ZNF804A: variants seen among roughly 807,000 people sequenced by gnomAD.
ZNF804A encodes zinc finger protein 804A.
ZNF804A carries 2 observed loss-of-function variants against 16.5 expected under a neutral mutation model. The observed-to-expected ratio is 0.12, with a 90% CI of 0.05 to 0.38. The LOEUF (loss-of-function observed/expected upper bound fraction) is 0.38, where lower values mean the gene tolerates loss of function less well. Ranked by LOEUF, ZNF804A falls within the 10% of genes least tolerant of loss-of-function variation. The pLI, the probability that ZNF804A is intolerant of heterozygous loss-of-function variation, is 0.99. For synonymous variants in ZNF804A, 534 were observed against 489.6 expected (o/e 1.09, Z -1.20); for missense variants, 1,473 against 1,390.7 (o/e 1.06, Z -0.94).
At chr2:184,903,032 C>A (rs1574264086) in intron 2 of ZNF804A, among the ~76,000 whole-genome samples, 1 of 152,244 alleles carries the variant, frequency 6.6e-6, no homozygotes, top group East Asian at 1.9e-4. Context: ...CAGCAGGAAC[C>A]ATGTTCTTAA....
chr2:184,668,976 T>C (rs1692297826), intron 1 of ZNF804A, among the ~76,000 whole-genome samples: 1 of 120,528 alleles, frequency 8.3e-6, no homozygotes, highest in African/African-American at 3.7e-5. Context: ...GTACCAGTTC[T>C]TCTGAGGAAA....
At chr2:184,683,975 C>A (rs1387973525) in intron 1 of ZNF804A, among the ~76,000 whole-genome samples, 6 of 152,162 alleles carry the variant, frequency 3.9e-5, no homozygotes, top group East Asian at 1.9e-4. Context: ...ATTTGGTAAC[C>A]TTTTATTGAC....
At chr2:184,693,497 A>G (rs1692766437) in intron 1 of ZNF804A, among the ~76,000 whole-genome samples, 1 of 152,206 alleles carries the variant, frequency 6.6e-6, no homozygotes, top group Admixed American at 6.5e-5. Flanking sequence ...ATTTCTCCAT[A>G]GCCCCATTTC....
intron 2 of ZNF804A, among the ~76,000 whole-genome samples, chr2:184,928,472 G>C (rs1048463501): frequency 1.3e-5 from 2 of 152,096 alleles, no homozygotes; most frequent in African/African-American, 4.8e-5. Context: ...CCTGGGGTTA[G>C]GGGAGGGGGA....
chr2:184,914,991 A>G (rs1322569047), intron 2 of ZNF804A, among the ~76,000 whole-genome samples: 1 of 151,788 alleles, frequency 6.6e-6, no homozygotes, highest in East Asian at 1.9e-4. Flanking sequence ...AGTCATATAT[A>G]TGAAAATATA....
chr2:184,866,921 T>A (rs1015287626), intron 2 of ZNF804A, among the ~76,000 whole-genome samples: 2 of 150,952 alleles, frequency 1.3e-5, no homozygotes, highest in Non-Finnish European at 3.0e-5. Context: ...TTTATCAAAG[T>A]TAAATAAAAT....
At chr2:184,620,664 G>A (rs1043525898) in intron 1 of ZNF804A, among the ~76,000 whole-genome samples, 1 of 151,670 alleles carries the variant, frequency 6.6e-6, no homozygotes, top group South Asian at 2.1e-4. Flanking sequence ...TTCAAGGACA[G>A]TATAATATTA....
At chr2:184,823,290 C>A (rs1439605831) in intron 1 of ZNF804A, among the ~76,000 whole-genome samples, 2 of 151,976 alleles carry the variant, frequency 1.3e-5, no homozygotes, top group African/African-American at 4.8e-5. Flanking sequence ...TATGAGAGCT[C>A]CACCCACATG....
intron 1 of ZNF804A, among the ~76,000 whole-genome samples, chr2:184,609,294 G>A (rs1475181289): frequency 1.3e-5 from 2 of 152,014 alleles, no homozygotes; most frequent in African/African-American, 4.8e-5. Flanking sequence ...AGAATTTTGG[G>A]GCTCACCATT....
At position 184,693,929 on chromosome 2, in the gene ZNF804A, CT is replaced by C. The variant is rs34131171; in HGVS notation, c.111+94879del. 3.0e-3 allele frequency among the ~76,000 whole-genome samples: 368 copies of C among 121,214 alleles called. 1 individual carries two copies. Among genetic ancestry groups the C allele is most frequent in the Middle Eastern group, 0.018 (4 of 220 alleles). The allele number at this position is 121,214 out of a possible 152,430, so 79.5% of individuals were successfully genotyped here. On this transcript the variant is annotated intron_variant, in intron 1 of 3. Coordinates refer to ENST00000302277, the MANE Select transcript of ZNF804A (RefSeq NM_194250.2). ...AAATCGATGATGCAACTAACTTAGT[CT>C]TTTTTTTTTTTTTTTTTTTGACGGA...
At chr2:184,752,986 G>A (rs1476881078) in intron 1 of ZNF804A, among the ~76,000 whole-genome samples, 2 of 151,170 alleles carry the variant, frequency 1.3e-5, no homozygotes, top group Non-Finnish European at 3.0e-5. Context: ...CGGGGAAAAG[G>A]GTACCCTTTT....
At chr2:184,599,126 G>T in intron 1 of ZNF804A, 56 bp downstream of exon 1, 1 of 1,373,016 alleles carries the variant, frequency 7.3e-7, no homozygotes, top group Non-Finnish European at 1.0e-6. Context: ...GCATTTGGAA[G>T]ATTGAGTTTT....
intron 1 of ZNF804A, among the ~76,000 whole-genome samples, chr2:184,676,231 T>C (rs1193322131): frequency 1.3e-5 from 2 of 151,732 alleles, no homozygotes; most frequent in Admixed American, 1.3e-4. Context: ...AAGTTTATTG[T>C]TATATTAAAT....
intron 2 of ZNF804A, among the ~76,000 whole-genome samples, chr2:184,899,106 TTAATA>T (rs1685134904): frequency 6.6e-6 from 1 of 151,996 alleles, no homozygotes. Flanking sequence ...AGGATTTGAC[TTAATA>T]TAAGATACAT....
chr2:184,800,775 A>G (rs1027514416), intron 1 of ZNF804A, among the ~76,000 whole-genome samples: 2 of 152,082 alleles, frequency 1.3e-5, no homozygotes, highest in African/African-American at 4.8e-5. Flanking sequence ...CCCATCACTT[A>G]TGATATTTCT....
chr2:184,640,926 CA>C (rs1306302974), intron 1 of ZNF804A, among the ~76,000 whole-genome samples: 2 of 152,030 alleles, frequency 1.3e-5, no homozygotes, highest in Non-Finnish European at 2.9e-5. Context: ...CAACAATGCC[CA>C]ATCTTTCCAC....
intron 1 of ZNF804A, among the ~76,000 whole-genome samples, chr2:184,853,228 G>T (rs1201766514): frequency 6.6e-6 from 1 of 151,648 alleles, no homozygotes; most frequent in East Asian, 1.9e-4. Context: ...GTGTTGGATT[G>T]TTCATTATTA....
intron 1 of ZNF804A, among the ~76,000 whole-genome samples, chr2:184,612,726 A>T (rs962162477): frequency 2.0e-5 from 3 of 152,094 alleles, no homozygotes; most frequent in African/African-American, 7.2e-5. Context: ...TGAGGACTTA[A>T]AGTAGTTGAT....
At chr2:184,847,513 C>T (rs1012338988) in intron 1 of ZNF804A, among the ~76,000 whole-genome samples, 1 of 152,050 alleles carries the variant, frequency 6.6e-6, no homozygotes, top group African/African-American at 2.4e-5. Context: ...CACCCAGAAA[C>T]AGTCGCCCTC....
Sources: allele counts gnomAD v4.1 joint callset (sites outside exome capture counted in the v4.1 genomes callset), GRCh38; gene constraint gnomAD v4.1.1; transcripts MANE v1.5; gene names NCBI Gene and HGNC (gene_info 2026-07-23, HGNC 2026-07-21).